Variants in SNX29 observed in about 807,000 individuals in gnomAD.
SNX29 encodes the protein sorting nexin-29.
In SNX29, 78 loss-of-function variants were observed where a neutral mutation model predicts 102.1. The ratio of observed to expected loss-of-function variants is 0.76; its 90% CI spans 0.64 to 0.92. The LOEUF is 0.92. Ranked by LOEUF, SNX29 falls within the 40% of genes least tolerant of loss-of-function variation. The pLI, the probability that SNX29 is intolerant of heterozygous loss-of-function variation, is 0.00. For synonymous variants in SNX29, 580 were observed against 414.5 expected (o/e 1.40, Z -4.85); for missense variants, 1,280 against 1,061.7 (o/e 1.21, Z -2.86).
chr16:12,566,588 T>G (rs938434223), intron 20 of SNX29, among the ~76,000 whole-genome samples: 3 of 152,180 alleles, frequency 2.0e-5, no homozygotes, highest in Non-Finnish European at 2.9e-5. Flanking sequence ...CATCCAAGCC[T>G]TCCTGTATCT....
intron 1 of SNX29, among the ~76,000 whole-genome samples, chr16:11,988,676 G>A (rs1043435516): frequency 6.6e-6 from 1 of 152,038 alleles, no homozygotes; most frequent in African/African-American, 2.4e-5. Context: ...CCAAGACTAC[G>A]GGTGTGAGCC....
intron 15 of SNX29, chr16:12,297,396 G>T (rs1336583262): frequency 6.6e-6 from 1 of 152,122 alleles, no homozygotes; most frequent in African/African-American, 2.4e-5. Context: ...TTGTTTTTTT[G>T]TTTATTGGTT....
intron 18 of SNX29, among the ~76,000 whole-genome samples, chr16:12,460,680 C>T (rs1304155317): frequency 3.7e-5 from 5 of 136,126 alleles, no homozygotes; most frequent in Non-Finnish European, 6.1e-5. Flanking sequence ...TTTTTTGAGA[C>T]AGAGTCTAGC....
chr16:12,411,528 G>C (rs925049454), intron 18 of SNX29, among the ~76,000 whole-genome samples: 1 of 152,182 alleles, frequency 6.6e-6, no homozygotes, highest in Non-Finnish European at 1.5e-5. Context: ...TCCTCTTTCT[G>C]CTTTATCTTT....
At chr16:12,024,732 C>T (rs764379766) in intron 3 of SNX29, among the ~76,000 whole-genome samples, 3 of 152,118 alleles carry the variant, frequency 2.0e-5, no homozygotes, top group South Asian at 2.1e-4. Flanking sequence ...CTAGAGCTGG[C>T]TGGGCAGTTA....
At chr16:12,352,219 A>G (rs1370458178) in intron 15 of SNX29, among the ~76,000 whole-genome samples, 3 of 152,208 alleles carry the variant, frequency 2.0e-5, no homozygotes, top group African/African-American at 7.2e-5. Context: ...CTTTGTACGG[A>G]CATGGATGAA....
At chr16:12,202,330 G>C (rs1567306353) in intron 14 of SNX29, among the ~76,000 whole-genome samples, 1 of 151,966 alleles carries the variant, frequency 6.6e-6, no homozygotes, top group East Asian at 1.9e-4. Flanking sequence ...CTAATGGAAA[G>C]TTTTTTTTGT....
chr16:12,210,025 C>G (rs1229915808), intron 14 of SNX29, among the ~76,000 whole-genome samples: 1 of 152,182 alleles, frequency 6.6e-6, no homozygotes, highest in East Asian at 1.9e-4. Flanking sequence ...CATCGGGTAC[C>G]TATTGTCTAA....
chr16:12,541,943 A>C (rs528693740), intron 20 of SNX29, among the ~76,000 whole-genome samples: 1 of 152,164 alleles, frequency 6.6e-6, no homozygotes, highest in African/African-American at 2.4e-5. Context: ...CTGGGCCCAC[A>C]CAAGAGGACG....
intron 1 of SNX29, among the ~76,000 whole-genome samples, chr16:11,979,148 G>C (rs1030585421): frequency 6.6e-6 from 1 of 150,902 alleles, no homozygotes; most frequent in Non-Finnish European, 1.5e-5. Flanking sequence ...AGTGGCAGGC[G>C]CCTGTAATCG....
At chr16:12,159,819 C>G (rs1211186407) in intron 13 of SNX29, among the ~76,000 whole-genome samples, 1 of 152,190 alleles carries the variant, frequency 6.6e-6, no homozygotes, top group African/African-American at 2.4e-5. Flanking sequence ...AAGAGAGGGA[C>G]AGGAAGTACA....
intron 14 of SNX29, among the ~76,000 whole-genome samples, chr16:12,230,053 T>C (rs752555029): frequency 2.0e-5 from 3 of 151,548 alleles, no homozygotes; most frequent in Non-Finnish European, 4.4e-5. Context: ...TGGGCTTGGC[T>C]GTATGCCAAT....
At chr16:12,421,401 T>A (rs2084865291) in intron 18 of SNX29, among the ~76,000 whole-genome samples, 1 of 152,186 alleles carries the variant, frequency 6.6e-6, no homozygotes, top group Admixed American at 6.5e-5. Flanking sequence ...GGGCTTCAGT[T>A]CCCCAGGCTC....
chr16:12,540,857 C>T (rs1465124994), intron 20 of SNX29, among the ~76,000 whole-genome samples: 2 of 152,222 alleles, frequency 1.3e-5, no homozygotes, highest in Non-Finnish European at 2.9e-5. Context: ...CCTTTCTGAG[C>T]AGGAGTGCCC....
chr16:12,375,948 A>C (rs1597137000), intron 16 of SNX29: 1 of 143,298 alleles, frequency 7.0e-6, no homozygotes, highest in South Asian at 2.2e-4. Flanking sequence ...CAGGAGAATC[A>C]CTTGAGCCCG....
At chr16:12,145,857 G>C (rs985910967) in intron 13 of SNX29, among the ~76,000 whole-genome samples, 24 of 152,006 alleles carry the variant, frequency 1.6e-4, no homozygotes, top group African/African-American at 5.8e-4. Context: ...TTTTTCCCTT[G>C]TAGGATTAGT....
chr16:11,984,464 C>T (rs980263892), intron 1 of SNX29, among the ~76,000 whole-genome samples: 2 of 152,000 alleles, frequency 1.3e-5, no homozygotes, highest in African/African-American at 4.8e-5. Context: ...TCACCATTAA[C>T]ATTTCAGGAC....
chr16:12,494,427 G>A (rs140343026), intron 19 of SNX29, among the ~76,000 whole-genome samples: 90 of 152,296 alleles, frequency 5.9e-4, no homozygotes, highest in Middle Eastern at 3.4e-3. Context: ...GGCCTCTTGC[G>A]TCAGTGGAGG....
chr16:12,462,097 C>A (rs1356176900), intron 18 of SNX29, among the ~76,000 whole-genome samples: 1 of 146,998 alleles, frequency 6.8e-6, no homozygotes, highest in Non-Finnish European at 1.5e-5. Context: ...ATCTCAAACA[C>A]CCTGAACACC....
Sources: gnomAD v4.1 joint callset for allele counts (sites outside exome capture counted in the v4.1 genomes callset) on GRCh38, gnomAD v4.1.1 for gene constraint, MANE v1.5 for transcripts, NCBI Gene and HGNC (gene_info 2026-07-23, HGNC 2026-07-21) for gene names.